The following ZNF609 variants were observed in gnomAD, a reference collection of about 807,000 sequenced individuals.
The protein encoded by ZNF609 is zinc finger protein 609.
ZNF609 carries 11 observed loss-of-function variants against 109.5 expected under a neutral mutation model. The ratio of observed to expected loss-of-function variants is 0.10; its 90% CI spans 0.06 to 0.17. ZNF609 has a LOEUF of 0.17. Among genes scored for constraint, ZNF609 ranks in the 10% least tolerant of loss-of-function variants. The pLI, the probability that ZNF609 is intolerant of heterozygous loss-of-function variation, is 1.00. For synonymous variants in ZNF609, 646 were observed against 662.0 expected (o/e 0.98, Z 0.37); for missense variants, 1,559 against 1,772.4 (o/e 0.88, Z 2.16).
At chr15:64,619,932 TCTCCTAGCCTGC>T (rs1242881253) in intron 2 of ZNF609, among the ~76,000 whole-genome samples, 1 of 152,212 alleles carries the variant, frequency 6.6e-6, no homozygotes, top group Admixed American at 6.5e-5. Flanking sequence ...AGCATATGTT[TCTCCTAGCCTGC>T]CAGGAGCACT....
intron 3 of ZNF609, among the ~76,000 whole-genome samples, chr15:64,638,845 G>A (rs1896215258): frequency 6.6e-6 from 1 of 152,172 alleles, no homozygotes; most frequent in Non-Finnish European, 1.5e-5. Context: ...GCAGTGAGCT[G>A]TGATTGCACC....
In ZNF609 at chr15:64,681,205, T is replaced by A. The variant is rs747079204; in HGVS notation, c.4163-104T>A. ...TCTATCTCCAGCAAATATATCTGGC[T>A]GAGTATCAGATTTTTTTTTCTGTCA... On this transcript the variant is annotated intron_variant, in intron 8 of 9. Transcript: ENST00000326648. 7.1e-6 allele frequency: 7 copies of A among 981,474 alleles called. No homozygotes were observed. The Admixed American group carries it at 8.0e-5, about 11-fold the overall frequency. 60.8% of individuals were successfully genotyped at this position (981,474 alleles called of 1,614,324 possible).
At chr15:64,584,873 C>T (rs866237032) in intron 2 of ZNF609, among the ~76,000 whole-genome samples, 9 of 151,054 alleles carry the variant, frequency 6.0e-5, no homozygotes, top group African/African-American at 1.2e-4. Context: ...GTGATCCACC[C>T]GTCTCAGCCT....
chr15:64,638,015 T>A lies in ZNF609; in HGVS notation c.973+14963T>A, dbSNP rs544455907. On this transcript the variant is annotated intron_variant, in intron 3 of 9. Coordinates refer to ENST00000326648, the MANE Select transcript of ZNF609 (RefSeq NM_015042.2). ...TGTTTTATATATATATATATATATA[T>A]AAAATATATATAAAAATACATATAT... Among the ~76,000 whole-genome samples the A allele has an allele frequency of 3.0e-3, 420 of 139,178 alleles. 3 individuals carry two copies. Among genetic ancestry groups the A allele is most frequent in the African/African-American group, 0.01 (403 of 38,490 alleles). 91.3% of individuals were successfully genotyped at this position (139,178 alleles called of 152,430 possible).
At chr15:64,662,189 T>A (rs985193795) in intron 3 of ZNF609, among the ~76,000 whole-genome samples, 2 of 152,132 alleles carry the variant, frequency 1.3e-5, no homozygotes, top group African/African-American at 4.8e-5. Flanking sequence ...TCTCACAAAA[T>A]GGCTGCTGTC....
chr15:64,627,488 A>G (rs1895983670), intron 3 of ZNF609, among the ~76,000 whole-genome samples: 1 of 152,084 alleles, frequency 6.6e-6, no homozygotes, highest in South Asian at 2.1e-4. Flanking sequence ...GGAAGAATTT[A>G]TGGTATAGTG....
rs371409912 is a variant in ZNF609, at chr15:64,576,862, A to G, written c.748-45965A>G. Among the ~76,000 whole-genome samples the G allele has an allele frequency of 2.1e-5, 3 of 145,136 alleles. No individual in the cohort carries two copies. In the East Asian group the frequency reaches 5.9e-4, roughly 29 times the overall value. On this transcript the variant is annotated intron_variant, in intron 2 of 9. Coordinates refer to ENST00000326648, the MANE Select transcript of ZNF609 (RefSeq NM_015042.2). Reference sequence around the variant, plus strand: ...AAAAAAAAGAATGAACTGAAGGCCCATTTTAAGAATCATATATATACACAT... The same window carrying G: ...AAAAAAAAGAATGAACTGAAGGCCCGTTTTAAGAATCATATATATACACAT...
At chr15:64,562,026 A>G (rs1894689575) in intron 2 of ZNF609, among the ~76,000 whole-genome samples, 1 of 152,238 alleles carries the variant, frequency 6.6e-6, no homozygotes, top group African/African-American at 2.4e-5. Flanking sequence ...ACCTGACATC[A>G]TAATGTACTG....
chr15:64,540,826 G>A (rs183550346), intron 2 of ZNF609, among the ~76,000 whole-genome samples: 5 of 148,164 alleles, frequency 3.4e-5, no homozygotes, highest in African/African-American at 4.9e-5. Context: ...TCAAGAGATC[G>A]AGACCATTCT....
chr15:64,666,074 CA>C (rs35347624), intron 3 of ZNF609, among the ~76,000 whole-genome samples: 6,952 of 134,338 alleles, frequency 0.052, 245 homozygotes, highest in African/African-American at 0.1. Flanking sequence ...GACTTCGTCT[CA>C]AAAAAAAAAA....
chr15:64,657,731 G>T (rs1015947188), intron 3 of ZNF609, among the ~76,000 whole-genome samples: 1 of 152,196 alleles, frequency 6.6e-6, no homozygotes, highest in Non-Finnish European at 1.5e-5. Flanking sequence ...TAGTCTACAG[G>T]TAAGTTAATG....
At chr15:64,484,575 C>G (rs1028453137) in intron 1 of ZNF609, among the ~76,000 whole-genome samples, 3 of 147,090 alleles carry the variant, frequency 2.0e-5, no homozygotes, top group African/African-American at 7.6e-5. Context: ...GTTCGGGAGG[C>G]TGAGGCAGGA....
chr15:64,674,618 C>T lies in ZNF609; in HGVS notation c.1764C>T (p.Leu588=). ...SPSSKFSTKG[L]CKKKLSGEGD... ...CAAGCAAATTCAGCACAAAAGGCCTCTGTAAGAAAAAGTTGAGTGGGGAAG... is the reference window on the plus strand; with the variant it reads ...CAAGCAAATTCAGCACAAAAGGCCTTTGTAAGAAAAAGTTGAGTGGGGAAG... Residue 588 remains leucine (L), a synonymous_variant, in exon 5 of 10, where the codon CTC becomes CTT. Transcript: ENST00000326648. The T allele has an allele frequency of 6.2e-7, 1 of 1,614,108 alleles. No individual in the cohort carries two copies. Among genetic ancestry groups the T allele is most frequent in the Non-Finnish European group, 8.5e-7 (1 of 1,180,030 alleles).
At chr15:64,624,692 T>A (rs1164010499) in intron 3 of ZNF609, among the ~76,000 whole-genome samples, 11 of 151,882 alleles carry the variant, frequency 7.2e-5, no homozygotes, top group Non-Finnish European at 1.6e-4. Context: ...GTAAATCGTT[T>A]GCACTGGAAG....
chr15:64,659,528 T>C (rs990316856), intron 3 of ZNF609, among the ~76,000 whole-genome samples: 28 of 152,244 alleles, frequency 1.8e-4, no homozygotes, highest in Admixed American at 1.4e-3. Flanking sequence ...AAGGCAGACA[T>C]ATTAATGACG....
At chr15:64,504,133 A>G (rs1752481757) in intron 2 of ZNF609, among the ~76,000 whole-genome samples, 1 of 152,216 alleles carries the variant, frequency 6.6e-6, no homozygotes, top group South Asian at 2.1e-4. Context: ...ATTTTCCTTC[A>G]TGGAAAACAT....
chr15:64,557,798 G>A (rs1266475205), intron 2 of ZNF609, among the ~76,000 whole-genome samples: 1 of 152,056 alleles, frequency 6.6e-6, no homozygotes, highest in Non-Finnish European at 1.5e-5. Context: ...CCAGGTTCAC[G>A]CCGTTCTCCT....
intron 3 of ZNF609, among the ~76,000 whole-genome samples, chr15:64,659,007 C>CTAG (rs994210980): frequency 1.6e-4 from 25 of 151,912 alleles, no homozygotes; most frequent in African/African-American, 6.0e-4. Context: ...GTTGGCCAGG[C>CTAG]TAGTGTCCAA....
At chr15:64,607,355 G>A (rs1895620288) in intron 2 of ZNF609, among the ~76,000 whole-genome samples, 1 of 151,842 alleles carries the variant, frequency 6.6e-6, no homozygotes, top group African/African-American at 2.4e-5. Context: ...TCTATGTAAG[G>A]CTGATTTTCT....
Sources: allele counts gnomAD v4.1 joint callset (sites outside exome capture counted in the v4.1 genomes callset), GRCh38; gene constraint gnomAD v4.1.1; transcripts MANE v1.5; gene names NCBI Gene and HGNC (gene_info 2026-07-23, HGNC 2026-07-21).